The following MTHFD1L variants were observed in gnomAD, a reference collection of about 807,000 sequenced individuals.
MTHFD1L encodes the protein methylenetetrahydrofolate dehydrogenase (NADP+ dependent) 1 like, also known as monofunctional C1-tetrahydrofolate synthase, mitochondrial.
A neutral mutation model predicts 119.5 loss-of-function variants in MTHFD1L; 81 were observed. The observed-to-expected ratio is 0.68, with a 90% CI of 0.57 to 0.82. The LOEUF is 0.82. MTHFD1L is among the 40% of genes least tolerant of loss of function. The pLI is 0.00. For synonymous variants in MTHFD1L, 430 were observed against 475.2 expected (o/e 0.90, Z 1.24); for missense variants, 1,125 against 1,253.4 (o/e 0.90, Z 1.55).
At chr6:150,918,215 G>A (rs1365609895) in intron 8 of MTHFD1L, among the ~76,000 whole-genome samples, 5 of 152,036 alleles carry the variant, frequency 3.3e-5, no homozygotes, top group South Asian at 4.1e-4. Context: ...ACGGGTACAC[G>A]CCACCATGTC....
intron 8 of MTHFD1L, among the ~76,000 whole-genome samples, chr6:150,906,721 G>A (rs1171927665): frequency 1.3e-5 from 2 of 152,162 alleles, no homozygotes; most frequent in Non-Finnish European, 2.9e-5. Context: ...TCCTCCACCA[G>A]GACCATACTT....
At chr6:150,928,313 G>A (rs1790397077) in intron 11 of MTHFD1L, among the ~76,000 whole-genome samples, 1 of 151,286 alleles carries the variant, frequency 6.6e-6, no homozygotes, top group Non-Finnish European at 1.5e-5. Context: ...GCAGGCACCT[G>A]TAGTCCCAGC....
intron 24 of MTHFD1L, among the ~76,000 whole-genome samples, chr6:151,030,992 G>A (rs1056653397): frequency 5.9e-5 from 9 of 152,144 alleles, no homozygotes; most frequent in Non-Finnish European, 1.0e-4. Flanking sequence ...ACCAGCCTGG[G>A]CAACATGGTG....
intron 20 of MTHFD1L, among the ~76,000 whole-genome samples, chr6:150,979,245 A>T (rs556703159): frequency 6.6e-6 from 1 of 152,326 alleles, no homozygotes; most frequent in Non-Finnish European, 1.5e-5. Flanking sequence ...TCTCAAAAAA[A>T]TAAGAAGAAT....
intron 20 of MTHFD1L, among the ~76,000 whole-genome samples, chr6:151,001,457 A>C (rs947148014): frequency 3.3e-5 from 5 of 152,234 alleles, no homozygotes; most frequent in African/African-American, 1.2e-4. Context: ...CAGAAATGAG[A>C]ATTTCAGATC....
chr6:150,935,423 A>G (rs1327962097), intron 11 of MTHFD1L: 10 of 1,613,722 alleles, frequency 6.2e-6, no homozygotes, highest in Non-Finnish European at 7.6e-6. Flanking sequence ...ATTGTTAGCA[A>G]TGGGTGAACT....
intron 20 of MTHFD1L, among the ~76,000 whole-genome samples, chr6:150,992,970 T>C (rs1779254159): frequency 6.6e-6 from 1 of 152,232 alleles, no homozygotes; most frequent in Non-Finnish European, 1.5e-5. Context: ...AGCACTGTGA[T>C]GCTCGGTTAA....
At chr6:150,992,461 G>A (rs1032987317) in intron 20 of MTHFD1L, among the ~76,000 whole-genome samples, 5 of 152,196 alleles carry the variant, frequency 3.3e-5, no homozygotes, top group Admixed American at 2.6e-4. Context: ...TGGGATGAGC[G>A]CATGGGATAC....
intron 8 of MTHFD1L, among the ~76,000 whole-genome samples, chr6:150,916,737 C>CTTTTTTTTTTTTTTTTTTTTTTTTTTTT (rs57961829): frequency 1.4e-5 from 1 of 72,114 alleles, no homozygotes; most frequent in African/African-American, 4.4e-5. Flanking sequence ...GATTCTATCC[C>CTTTTTTTTTTTTTTTTTTTTTTTTTTTT]TTTTTTTTTT....
intron 21 of MTHFD1L, among the ~76,000 whole-genome samples, chr6:151,012,944 C>A (rs371115242): frequency 1.3e-5 from 2 of 152,174 alleles, no homozygotes; most frequent in South Asian, 2.1e-4. Flanking sequence ...TTGAGACCCA[C>A]CCACATTATG....
intron 20 of MTHFD1L, among the ~76,000 whole-genome samples, chr6:150,992,899 T>C (rs1779247142): frequency 6.6e-6 from 1 of 152,222 alleles, no homozygotes; most frequent in Admixed American, 6.5e-5. Context: ...TGGTTTCCCA[T>C]GTAGGCTGCT....
At chr6:150,965,652 C>G (rs1333663310) in intron 19 of MTHFD1L, among the ~76,000 whole-genome samples, 1 of 116,138 alleles carries the variant, frequency 8.6e-6, no homozygotes. Flanking sequence ...CAGAGCGAGA[C>G]TCCGTCTGAA....
At chr6:150,980,711 A>AT (rs72184512) in intron 20 of MTHFD1L, among the ~76,000 whole-genome samples, 4 of 65,930 alleles carry the variant, frequency 6.1e-5, no homozygotes. Flanking sequence ...CCCTGTCTCT[A>AT]AAAAAAAAAA....
At chr6:150,971,358 C>G (rs1338771981) in intron 19 of MTHFD1L, among the ~76,000 whole-genome samples, 1 of 152,094 alleles carries the variant, frequency 6.6e-6, no homozygotes, top group East Asian at 1.9e-4. Flanking sequence ...CACACCACCA[C>G]ACCCTGCTAA....
intron 20 of MTHFD1L, 109 bp downstream of exon 20, chr6:150,972,167 C>A: frequency 2.2e-6 from 2 of 928,280 alleles, no homozygotes; most frequent in Non-Finnish European, 3.3e-6. Context: ...TTCTTTCAGG[C>A]ACCCTCTTTC....
chr6:150,957,718 C>T (rs925936856), intron 17 of MTHFD1L, among the ~76,000 whole-genome samples: 2 of 152,090 alleles, frequency 1.3e-5, no homozygotes, highest in Non-Finnish European at 2.9e-5. Context: ...GAGTAGAGAG[C>T]TCTCATACAC....
chr6:150,916,018 C>T (rs1465879733), intron 8 of MTHFD1L, among the ~76,000 whole-genome samples: 1 of 152,206 alleles, frequency 6.6e-6, no homozygotes, highest in Non-Finnish European at 1.5e-5. Context: ...AATTCTCTCT[C>T]ATCCTCTAGA....
intron 26 of MTHFD1L, among the ~76,000 whole-genome samples, chr6:151,051,506 G>T (rs768867851): frequency 6.6e-6 from 1 of 152,136 alleles, no homozygotes; most frequent in Non-Finnish European, 1.5e-5. Flanking sequence ...GGCTACTATG[G>T]TTTATGGGAT....
At chr6:150,991,027 T>G (rs536576980) in intron 20 of MTHFD1L, among the ~76,000 whole-genome samples, 1 of 152,162 alleles carries the variant, frequency 6.6e-6, no homozygotes, top group Non-Finnish European at 1.5e-5. Flanking sequence ...TGGCTAATTT[T>G]TGTATTTTTA....
Sources: allele counts gnomAD v4.1 joint callset (sites outside exome capture counted in the v4.1 genomes callset), GRCh38; gene constraint gnomAD v4.1.1; transcripts MANE v1.5; gene names NCBI Gene and HGNC (gene_info 2026-07-23, HGNC 2026-07-21).